The following ARHGAP44 variants were observed in gnomAD, a reference collection of about 807,000 sequenced individuals.
ARHGAP44 encodes the protein rho GTPase-activating protein 44.
A neutral mutation model predicts 106.8 loss-of-function variants in ARHGAP44; 43 were observed. The observed-to-expected ratio is 0.40, with a 90% confidence interval of 0.32 to 0.52. ARHGAP44 has a LOEUF of 0.52. ARHGAP44 is among the 20% of genes least tolerant of loss of function. The pLI, the probability that ARHGAP44 is intolerant of heterozygous loss-of-function variation, is 0.48. For synonymous variants in ARHGAP44, 439 were observed against 410.3 expected (o/e 1.07, Z -0.85); for missense variants, 866 against 1,050.5 (o/e 0.82, Z 2.43).
chr17:12,967,901 G>T (rs2039432483), intron 16 of ARHGAP44, among the ~76,000 whole-genome samples: 1 of 152,172 alleles, frequency 6.6e-6, no homozygotes, highest in South Asian at 2.1e-4. Context: ...AAATAGCCCT[G>T]CATGCAGAGT....
Position 12,990,883 on chromosome 17 carries a change from C to A in ARHGAP44, c.*712C>A, listed in dbSNP as rs11650119. On this transcript the variant is annotated 3_prime_UTR_variant, in exon 21 of 21. Coordinates refer to ENST00000379672, the MANE Select transcript of ARHGAP44 (RefSeq NM_014859.6). ...TATAAAACAAAACAAACAAGCCTGACAGTGTCTGGAGGAGCCAAAGGTGGC... is the reference window on the plus strand; with the variant it reads ...TATAAAACAAAACAAACAAGCCTGAAAGTGTCTGGAGGAGCCAAAGGTGGC... 47,676 of 152,380 alleles carry A rather than the reference C, an allele frequency of 0.31. 8,749 individuals are homozygous for A. Among genetic ancestry groups the A allele is most frequent in the East Asian group, 0.42 (2,180 of 5,174 alleles). The allele number at this position is 152,380 out of a possible 1,614,324, so 9.4% of individuals were successfully genotyped here. A position where few individuals can be genotyped will look rare whatever the true frequency, so the allele number is the denominator to read the frequency against.
At chr17:12,986,673 CAAAAAAAA>C (rs1045890803) in intron 20 of ARHGAP44, 61 of 18,354 alleles carry the variant, frequency 3.3e-3, no homozygotes, top group African/African-American at 0.012. Context: ...GACTCCATCT[CAAAAAAAA>C]AAAAAAAAAA....
At chr17:12,923,450 A>G (rs1012282220) in intron 6 of ARHGAP44, among the ~76,000 whole-genome samples, 4 of 152,104 alleles carry the variant, frequency 2.6e-5, no homozygotes, top group African/African-American at 9.7e-5. Flanking sequence ...TCCTGACCTC[A>G]GGTAGATCCG....
At chr17:12,924,309 A>G (rs941011464) in intron 6 of ARHGAP44, among the ~76,000 whole-genome samples, 1 of 152,242 alleles carries the variant, frequency 6.6e-6, no homozygotes, top group Non-Finnish European at 1.5e-5. Flanking sequence ...TACAGACCTC[A>G]ATATTCTCAG....
chr17:12,828,028 CAAAAAA>C (rs60301804), intron 1 of ARHGAP44, among the ~76,000 whole-genome samples: 2 of 73,922 alleles, frequency 2.7e-5, no homozygotes, highest in Non-Finnish European at 5.8e-5. Flanking sequence ...CTGGCCATCT[CAAAAAA>C]AAAAAAAAAA....
At chr17:12,917,723 A>G (rs2037959933) in intron 5 of ARHGAP44, among the ~76,000 whole-genome samples, 1 of 152,194 alleles carries the variant, frequency 6.6e-6, no homozygotes, top group African/African-American at 2.4e-5. Context: ...AATGATGGAA[A>G]TATTCTCAAT....
chr17:12,978,763 A>C (rs1265835934), intron 18 of ARHGAP44, among the ~76,000 whole-genome samples: 1 of 145,894 alleles, frequency 6.9e-6, no homozygotes, highest in Non-Finnish European at 1.5e-5. Flanking sequence ...ATCTCAGCTC[A>C]CTGCAACCTC....
chr17:12,944,687 C>A (rs1484848788), intron 10 of ARHGAP44, among the ~76,000 whole-genome samples: 1 of 146,564 alleles, frequency 6.8e-6, no homozygotes, highest in Non-Finnish European at 1.5e-5. Context: ...AATGGGGTTT[C>A]ACCATGTTGG....
rs1345236678 is a variant in ARHGAP44 at position 12,974,423 on chromosome 17, T to C, written c.1763+113T>C. 5.5e-6 allele frequency: 5 copies of C among 913,310 alleles called. No homozygotes were observed. The South Asian group carries it at 7.7e-5, about 14-fold the overall frequency. The allele number at this position is 913,310 out of a possible 1,614,324, so 56.6% of individuals were successfully genotyped here. A position where few individuals can be genotyped will look rare whatever the true frequency, so the allele number is the denominator to read the frequency against. On this transcript the variant is annotated intron_variant, in intron 18 of 20. Coordinates refer to ENST00000379672, the MANE Select transcript of ARHGAP44 (RefSeq NM_014859.6). ...GTCGTTTCCCATGCCCCCGCCCCCA[T>C]TTCTAAGCATTCATATTTGGCTTCT...
chr17:12,830,613 C>T (rs947615703), intron 1 of ARHGAP44, among the ~76,000 whole-genome samples: 2 of 152,158 alleles, frequency 1.3e-5, no homozygotes, highest in African/African-American at 2.4e-5. Flanking sequence ...ATTTGCCTTG[C>T]GACCTTAGGC....
chr17:12,879,569 C>A (rs1479867947), intron 1 of ARHGAP44, among the ~76,000 whole-genome samples: 1 of 151,866 alleles, frequency 6.6e-6, no homozygotes, highest in African/African-American at 2.4e-5. Context: ...GGATACCCTA[C>A]AACTCAGCAC....
chr17:12,798,362 TTTTC>T (rs2033987686), intron 1 of ARHGAP44, among the ~76,000 whole-genome samples: 2 of 152,218 alleles, frequency 1.3e-5, no homozygotes, highest in Non-Finnish European at 2.9e-5. Flanking sequence ...TACTTTGAGG[TTTTC>T]TTTGACATCA....
At chr17:12,965,273 C>G (rs1362895095) in intron 16 of ARHGAP44, among the ~76,000 whole-genome samples, 1 of 152,190 alleles carries the variant, frequency 6.6e-6, no homozygotes, top group Non-Finnish European at 1.5e-5. Context: ...GACGCACCTA[C>G]TGTCATTACA....
At chr17:12,901,055 C>G (rs1439011510) in intron 3 of ARHGAP44, among the ~76,000 whole-genome samples, 2 of 151,842 alleles carry the variant, frequency 1.3e-5, no homozygotes, top group African/African-American at 4.8e-5. Flanking sequence ...TCCCAAGTAG[C>G]TGAGATTACA....
chr17:12,942,637 A>T (rs1023859242), intron 8 of ARHGAP44, among the ~76,000 whole-genome samples: 3 of 152,194 alleles, frequency 2.0e-5, no homozygotes, highest in Admixed American at 1.3e-4. Context: ...TTTTTAAAAA[A>T]GTTCGTATTA....
intron 1 of ARHGAP44, among the ~76,000 whole-genome samples, chr17:12,804,740 A>G (rs1479940064): frequency 6.6e-6 from 1 of 152,242 alleles, no homozygotes; most frequent in Non-Finnish European, 1.5e-5. Flanking sequence ...TTCAGATTCA[A>G]GAGTGCTGGT....
chr17:12,946,084 A>T (rs1483752780), intron 10 of ARHGAP44, among the ~76,000 whole-genome samples: 1 of 152,196 alleles, frequency 6.6e-6, no homozygotes, highest in Admixed American at 6.5e-5. Context: ...AAAGGTCTCT[A>T]CCATCCCTGA....
intron 1 of ARHGAP44, among the ~76,000 whole-genome samples, chr17:12,847,525 T>TTA (rs2035603582): frequency 6.7e-6 from 1 of 149,384 alleles, no homozygotes; most frequent in African/African-American, 2.5e-5. Context: ...TTTTTTTTTT[T>TTA]TTTTTTGAGA....
At chr17:12,912,090 A>G (rs1172468717) in intron 4 of ARHGAP44, among the ~76,000 whole-genome samples, 1 of 152,206 alleles carries the variant, frequency 6.6e-6, no homozygotes, top group East Asian at 1.9e-4. Flanking sequence ...AAACCTGGAG[A>G]CCAAAACAAT....
Sources: allele counts gnomAD v4.1 joint callset (sites outside exome capture counted in the v4.1 genomes callset), GRCh38; gene constraint gnomAD v4.1.1; transcripts MANE v1.5; gene names NCBI Gene and HGNC (gene_info 2026-07-23, HGNC 2026-07-21).